ABCC5: variants seen among roughly 807,000 people sequenced by gnomAD.
The protein encoded by ABCC5 is ATP-binding cassette sub-family C member 5.
A neutral mutation model predicts 160.9 loss-of-function variants in ABCC5; 61 were observed. The ratio of observed to expected loss-of-function variants is 0.38; its 90% CI spans 0.31 to 0.47. The LOEUF (loss-of-function observed/expected upper bound fraction) is 0.47. Among genes scored for constraint, ABCC5 ranks in the 20% least tolerant of loss-of-function variants. The pLI is 0.99. For synonymous variants in ABCC5, 666 were observed against 700.6 expected (o/e 0.95, Z 0.78); for missense variants, 1,308 against 1,813.3 (o/e 0.72, Z 5.06).
chr3:183,975,241 C>A (rs191241109), intron 10 of ABCC5, among the ~76,000 whole-genome samples: 19 of 152,214 alleles, frequency 1.2e-4, no homozygotes, highest in African/African-American at 4.3e-4. Flanking sequence ...AAAAACAGCC[C>A]CCCAACCCTC....
intron 7 of ABCC5, 104 bp from the exon 8 acceptor site, chr3:183,981,978 T>C: frequency 7.5e-7 from 1 of 1,335,888 alleles, no homozygotes; most frequent in Non-Finnish European, 1.0e-6. Context: ...ATAATCCTGC[T>C]TGCTAGGATG....
chr3:183,936,328 G>C (rs1212788328), intron 26 of ABCC5, among the ~76,000 whole-genome samples: 1 of 152,036 alleles, frequency 6.6e-6, no homozygotes, highest in Admixed American at 6.6e-5. Flanking sequence ...CCCAGTCTAT[G>C]GTATGTTGGT....
At chr3:183,939,519 C>A (rs1294675655) in intron 25 of ABCC5, among the ~76,000 whole-genome samples, 2 of 152,168 alleles carry the variant, frequency 1.3e-5, no homozygotes, top group Non-Finnish European at 2.9e-5. Context: ...TGGTTGCATT[C>A]CATCATGTGC....
At chr3:183,977,716 G>C in intron 9 of ABCC5, 92 bp from the exon 10 acceptor site, 1 of 832,142 alleles carries the variant, frequency 1.2e-6, no homozygotes, top group Non-Finnish European at 1.9e-6. Context: ...GCGCTAGGAA[G>C]GCTGCAACTT....
intron 2 of ABCC5, among the ~76,000 whole-genome samples, chr3:183,994,333 GA>G (rs1720058600): frequency 6.6e-6 from 1 of 151,952 alleles, no homozygotes; most frequent in Non-Finnish European, 1.5e-5. Context: ...CAATGGATGA[GA>G]AATCTAGTTT....
intron 26 of ABCC5, among the ~76,000 whole-genome samples, chr3:183,936,327 T>C (rs1713717161): frequency 6.6e-6 from 1 of 152,132 alleles, no homozygotes; most frequent in Non-Finnish European, 1.5e-5. Flanking sequence ...ACCCAGTCTA[T>C]GGTATGTTGG....
intron 17 of ABCC5, among the ~76,000 whole-genome samples, chr3:183,953,805 A>G (rs1229556032): frequency 6.6e-6 from 1 of 152,216 alleles, no homozygotes; most frequent in Non-Finnish European, 1.5e-5. Context: ...ACACACCACC[A>G]CAGTGATTCG....
rs1715324398 is a variant in ABCC5, at chr3:183,951,346, TACAG to T, written c.2944+91_2944+94del. On this transcript the variant is annotated intron_variant, in intron 20 of 29. Coordinates refer to ENST00000334444, the MANE Select transcript of ABCC5 (RefSeq NM_005688.4). The surrounding 1 kb of genome is among the most constrained non-coding windows in gnomAD (Gnocchi z 4.7). The stretch of plus-strand genomic sequence containing the variant: ...CAGCAGTCACTGTGCTCTCAGGATC[TACAG>T]ACAGACAGATCTGCACATTTGGAGA... 6.6e-7 allele frequency: 1 copy of T among 1,504,472 alleles called. No individual in the cohort carries two copies. Among genetic ancestry groups the T allele is most frequent in the Non-Finnish European group, 9.0e-7 (1 of 1,116,136 alleles). 93.2% of individuals were successfully genotyped at this position (1,504,472 alleles called of 1,614,324 possible).
rs776536071 is a variant in ABCC5 at position 183,982,908 on chromosome 3, C to A, written c.691G>T (p.Val231Leu). The A allele has an allele frequency of 1.2e-6, 2 of 1,614,188 alleles. No homozygotes were observed. Among genetic ancestry groups the A allele is most frequent in the Admixed American group, 1.7e-5 (1 of 60,024 alleles). The change falls in exon 6 of 30, where the codon GTG (valine) becomes TTG (leucine). Residue 231 changes from valine to leucine, a missense_variant. This residue lies in a region of ABCC5 where 1,142 missense variants were observed against 1,527.1 expected (regional missense o/e 0.75). Coordinates refer to ENST00000334444, the MANE Select transcript of ABCC5 (RefSeq NM_005688.4). This position sits in a 1 kb window ranked among gnomAD's most constrained non-coding sequence, Gnocchi z 5.2. ...GTCAGTGCAAGCGACCAAGACCGCA[C>A]GATTTCCGTCAGGAGGAGGCCCAGC... ...LVLGLLLTEI[V>L]RSWSLALTWA...
intron 29 of ABCC5, among the ~76,000 whole-genome samples, chr3:183,923,889 A>C (rs1007222528): frequency 2.6e-5 from 4 of 151,424 alleles, no homozygotes; most frequent in African/African-American, 9.7e-5. Flanking sequence ...GCGCTATTTA[A>C]CCTTTTCTCA....
chr3:183,946,717 T>C (rs1714881193), intron 23 of ABCC5, among the ~76,000 whole-genome samples: 1 of 152,072 alleles, frequency 6.6e-6, no homozygotes, highest in Non-Finnish European at 1.5e-5. Flanking sequence ...CATCCAAATA[T>C]TTCAGCTTGT....
intron 5 of ABCC5, chr3:183,984,972 TA>T: frequency 1.6e-6 from 2 of 1,248,688 alleles, no homozygotes; most frequent in Non-Finnish European, 2.3e-6. Context: ...CACTGGGTAA[TA>T]GCATCAGCGC....
chr3:183,948,893 A>C (rs1450045646), intron 22 of ABCC5, among the ~76,000 whole-genome samples: 1 of 151,762 alleles, frequency 6.6e-6, no homozygotes. Context: ...TAGTAGAGAC[A>C]AGGTTCCACC....
intron 17 of ABCC5, among the ~76,000 whole-genome samples, chr3:183,955,387 C>T (rs1715779411): frequency 6.6e-6 from 1 of 152,160 alleles, no homozygotes; most frequent in Non-Finnish European, 1.5e-5. Flanking sequence ...CAGTTGTGTG[C>T]CTGAACTCTA....
Position 183,965,393 on chromosome 3 carries a change from C to T in ABCC5, c.1942G>A (p.Glu648Lys). 1 of 1,614,092 alleles carries T rather than the reference C, an allele frequency of 6.2e-7. No individual in the cohort carries two copies. Among genetic ancestry groups the T allele is most frequent in the Non-Finnish European group, 8.5e-7 (1 of 1,180,044 alleles). Residue 648 changes from glutamate to lysine, a missense_variant, in exon 13 of 30, where the codon GAA becomes AAA. Glu to Lys is a moderately conservative substitution (Grantham distance 56, BLOSUM62 1). Coordinates refer to ENST00000334444, the MANE Select transcript of ABCC5 (RefSeq NM_005688.4). ...TLRDNILFGK[E>K]YDEERYNSVL... Reference sequence around the variant, plus strand: ...ATTCCTTGCCTTTCTTCATCATATTCCTTCCCAAACAGGATGTTGTCTCTC... The same window carrying T: ...ATTCCTTGCCTTTCTTCATCATATTTCTTCCCAAACAGGATGTTGTCTCTC...
Position 183,951,797 on chromosome 3 carries a change from C to A in ABCC5, c.2814+60G>T. On this transcript the variant is annotated intron_variant, in intron 19 of 29. Transcript: ENST00000334444. This position sits in a 1 kb window ranked among gnomAD's most constrained non-coding sequence, Gnocchi z 4.7. ...ACTCAGCATGAACTGAGAGACGCCA[C>A]ACCAAAGCCTGACCACAGGTCACCA... 2 of 1,587,222 alleles carry A rather than the reference C, an allele frequency of 1.3e-6. No individual in the cohort carries two copies. Among genetic ancestry groups the A allele is most frequent in the Non-Finnish European group, 1.7e-6 (2 of 1,165,376 alleles).
In ABCC5 at chr3:183,951,634, A is replaced by G; in HGVS notation, c.2815-64T>C. 1 of 1,581,424 alleles carries G rather than the reference A, an allele frequency of 6.3e-7. No homozygotes were observed. The highest frequency in any genetic ancestry group is 8.6e-7 in the Non-Finnish European group (1 of 1,163,440). On this transcript the variant is annotated intron_variant, in intron 19 of 29. Transcript: ENST00000334444. This position sits in a 1 kb window ranked among gnomAD's most constrained non-coding sequence, Gnocchi z 4.7. ...GGCTCTGTTCCTACTGGTCCAGAGA[A>G]CCGCTCCGCAGCACATCCACTCCCA...
At chr3:183,958,580 A>T (rs1288127014) in intron 17 of ABCC5, among the ~76,000 whole-genome samples, 1 of 152,098 alleles carries the variant, frequency 6.6e-6, no homozygotes, top group Non-Finnish European at 1.5e-5. Context: ...CATACCTTTT[A>T]AAAAAAGAAA....
rs116483375 is a variant in ABCC5, at chr3:183,958,554, C to T, written c.2482+1179G>A. Among the ~76,000 whole-genome samples, 910 of 152,178 alleles carry T rather than the reference C, an allele frequency of 6.0e-3. 10 individuals are homozygous for T. The highest frequency in any genetic ancestry group is 0.021 in the African/African-American group (872 of 41,504). ...CCACACTTGAATTCAAAATCTCATACCTGAATTCAAAATCCCATACCTTTT... is the reference window on the plus strand; with the variant it reads ...CCACACTTGAATTCAAAATCTCATATCTGAATTCAAAATCCCATACCTTTT... On this transcript the variant is annotated intron_variant, in intron 17 of 29. Coordinates refer to ENST00000334444, the MANE Select transcript of ABCC5 (RefSeq NM_005688.4).
Sources: allele counts gnomAD v4.1 joint callset (sites outside exome capture counted in the v4.1 genomes callset), GRCh38; gene constraint gnomAD v4.1.1; regional missense constraint gnomAD v4.1.1; non-coding constraint Gnocchi (gnomAD v3.1); transcripts MANE v1.5; gene names NCBI Gene and HGNC (gene_info 2026-07-23, HGNC 2026-07-21).